The following PLK1 variants were observed in gnomAD, a reference collection of about 807,000 sequenced individuals.
PLK1 encodes polo like kinase 1.
PLK1 carries 6 observed loss-of-function variants against 56.7 expected under a neutral mutation model. The ratio of observed to expected loss-of-function variants is 0.11; its 90% CI spans 0.06 to 0.21. The LOEUF (loss-of-function observed/expected upper bound fraction) is 0.21. Ranked by LOEUF, PLK1 falls within the 10% of genes least tolerant of loss-of-function variation. PLK1 has a pLI of 1.00. For synonymous variants in PLK1, 298 were observed against 325.0 expected, an observed-to-expected ratio of 0.92 and a Z score of 0.89; for missense variants, 546 against 814.4, an observed-to-expected ratio of 0.67 and a Z score of 4.01.
In PLK1 at chr16:23,682,168, A is replaced by G; in HGVS notation, c.816+11A>G. 6 of 1,366,058 alleles carry G rather than the reference A, an allele frequency of 4.4e-6. No homozygotes were observed. Among genetic ancestry groups the G allele is most frequent in the Non-Finnish European group, 6.3e-6 (6 of 954,850 alleles). The allele number at this position is 1,366,058 out of a possible 1,614,324, so 84.6% of individuals were successfully genotyped here. On this transcript the variant is annotated intron_variant, in intron 4 of 9. Transcript: ENST00000300093. ...TACAGTATTCCCAAGGTGACTAATG[A>G]TGCTTTAAGTTTACATTTATTTTGT...
At chr16:23,679,543 C>A (rs1597133625) in intron 1 of PLK1, 2 of 565,166 alleles carry the variant, frequency 3.5e-6, no homozygotes, top group South Asian at 4.7e-5. Flanking sequence ...GGAGGGGGTT[C>A]CAGTGAAGTG....
chr16:23,683,078 C>G (rs1441623850), intron 4 of PLK1, among the ~76,000 whole-genome samples: 1 of 146,462 alleles, frequency 6.8e-6, no homozygotes, highest in Non-Finnish European at 1.5e-5. Flanking sequence ...GCAAGCTCTG[C>G]CTCCCAGGTT....
In PLK1 at chr16:23,683,944, C is replaced by T. The variant is rs751854838; in HGVS notation, c.891C>T (p.Asn297=). ...ATCCCACTGCCCGCCCAACCATTAACGAGCTGCTTAATGACGAGTTCTTTA... is the reference window on the plus strand; with the variant it reads ...ATCCCACTGCCCGCCCAACCATTAATGAGCTGCTTAATGACGAGTTCTTTA... ...QTDPTARPTI[N]ELLNDEFFTS... The change falls in exon 5 of 10, where the codon AAC becomes AAT. Residue 297 remains asparagine (N), a synonymous_variant. Coordinates refer to ENST00000300093, the MANE Select transcript of PLK1 (RefSeq NM_005030.6). 1.1e-5 allele frequency: 17 copies of T among 1,614,040 alleles called. No homozygotes were observed. Among genetic ancestry groups the T allele is most frequent in the Non-Finnish European group, 1.3e-5 (15 of 1,179,878 alleles).
rs1959501141 is a variant in PLK1 at position 23,689,489 on chromosome 16, T to C, written c.1426-5T>C. 1.2e-6 allele frequency: 2 copies of C among 1,606,200 alleles called. No individual in the cohort carries two copies. The highest frequency in any genetic ancestry group is 4.5e-5 in the East Asian group (2 of 44,614). On this transcript the variant is annotated splice_polypyrimidine_tract_variant and splice_region_variant and intron_variant, in intron 8 of 9. Transcript: ENST00000300093. This position sits in a 1 kb window ranked among gnomAD's most constrained non-coding sequence, Gnocchi z 4.8. ...TCTGGAACCCCTTACCTACTTTTCA[T>C]CCAGATCACCCTCCTTAAATATTTC...
chr16:23,687,238 G>T (rs1181265274), intron 5 of PLK1: 2 of 319,414 alleles, frequency 6.3e-6, no homozygotes, highest in Non-Finnish European at 1.1e-5. Context: ...AGGTCATCCT[G>T]CAGGGCCACA....
Position 23,690,180 on chromosome 16 carries a change from GCA to G in PLK1, c.*118_*119del. 1.3e-6 allele frequency: 1 copy of G among 771,694 alleles called. No individual in the cohort carries two copies. Among genetic ancestry groups the G allele is most frequent in the Non-Finnish European group, 2.2e-6 (1 of 445,440 alleles). 47.8% of individuals were successfully genotyped at this position (771,694 alleles called of 1,614,324 possible). Reference sequence around the variant, plus strand: ...TGTGCCCCCCAGCCCCGGTGGCTGGGCAGAGCTGCATCATCCTTGCAGGTGGG... The same window carrying G: ...TGTGCCCCCCAGCCCCGGTGGCTGGGGAGCTGCATCATCCTTGCAGGTGGG... On this transcript the variant is annotated 3_prime_UTR_variant, in exon 10 of 10. Transcript: ENST00000300093.
rs529595210 is a variant in PLK1 at position 23,684,166 on chromosome 16, C to T, written c.1036+77C>T. The T allele has an allele frequency of 1.7e-5, 20 of 1,172,740 alleles. No individual in the cohort carries two copies. In the South Asian group the frequency reaches 2.1e-4, roughly 12 times the overall value. The allele number at this position is 1,172,740 out of a possible 1,614,324, so 72.6% of individuals were successfully genotyped here. On this transcript the variant is annotated intron_variant, in intron 5 of 9. Coordinates refer to ENST00000300093, the MANE Select transcript of PLK1 (RefSeq NM_005030.6). Reference sequence around the variant, plus strand: ...TGTAGGGGTGTGTGCAGCTTAGTCCCTGGCCCTGAGAGCTCAGGTGTGGAG... The same window carrying T: ...TGTAGGGGTGTGTGCAGCTTAGTCCTTGGCCCTGAGAGCTCAGGTGTGGAG...
At chr16:23,681,099 G>C in intron 3 of PLK1, 41 bp downstream of exon 3, 2 of 1,591,220 alleles carry the variant, frequency 1.3e-6, no homozygotes, top group South Asian at 2.3e-5. Flanking sequence ...GGTCTCAGCA[G>C]GGGCAACTTT....
At chr16:23,687,775 G>A in intron 6 of PLK1, 151 bp downstream of exon 6, 1 of 476,260 alleles carries the variant, frequency 2.1e-6, no homozygotes, top group Non-Finnish European at 3.5e-6. Flanking sequence ...CCAAGGCCCT[G>A]CTTCCGTGGC....
At chr16:23,682,700 T>G (rs189439866) in intron 4 of PLK1, among the ~76,000 whole-genome samples, 9,520 of 150,342 alleles carry the variant, frequency 0.063, 647 homozygotes, top group African/African-American at 0.16. Flanking sequence ...TTTTTTTTTT[T>G]TTTGTATTTT....
rs533321688 is a variant in PLK1 at position 23,684,086 on chromosome 16, A to G, written c.1033A>G (p.Lys345Glu). 2 of 1,612,882 alleles carry G rather than the reference A, an allele frequency of 1.2e-6. No individual in the cohort carries two copies. The highest frequency in any genetic ancestry group is 2.7e-5 in the African/African-American group (2 of 74,974). The change falls in exon 5 of 10, where the codon AAA becomes GAA. Residue 345 changes from lysine (K) to glutamate (E), a missense_variant. Transcript: ENST00000300093. ...SNRKPLTVLNKGLENPLPERP... is the reference protein window; with the variant it reads ...SNRKPLTVLNEGLENPLPERP... Reference sequence around the variant, plus strand: ...CCGGAAGCCCCTCACAGTCCTCAATAAAGGTACAACAAGGGTCTGGGTAAG... The same window carrying G: ...CCGGAAGCCCCTCACAGTCCTCAATGAAGGTACAACAAGGGTCTGGGTAAG...
At chr16:23,679,924 T>G (rs1959304981) in intron 1 of PLK1, 160 bp from the exon 2 acceptor site, 2 of 586,808 alleles carry the variant, frequency 3.4e-6, no homozygotes, top group Non-Finnish European at 6.1e-6. Flanking sequence ...AGGAATGGGG[T>G]GGGGGCATAG....
intron 2 of PLK1, 95 bp from the exon 3 acceptor site, chr16:23,680,819 C>T (rs1959319522): frequency 8.2e-7 from 1 of 1,223,408 alleles, no homozygotes; most frequent in South Asian, 1.5e-5. Flanking sequence ...ATCAGATGGC[C>T]CTGGTTCTGG....
Position 23,680,337 on chromosome 16 carries a change from C to T in PLK1, c.577+85C>T, listed in dbSNP as rs1030732275. ...AGGCTGGGAGAAAGGAAGGAGACAA[C>T]CCACAAGTCAGTATCTTGCCTACAG... is the stretch of plus-strand genomic sequence containing the variant. On this transcript the variant is annotated intron_variant, in intron 2 of 9. Coordinates refer to ENST00000300093, the MANE Select transcript of PLK1 (RefSeq NM_005030.6). The T allele has an allele frequency of 1.7e-5, 20 of 1,158,790 alleles. No homozygotes were observed. The East Asian group carries it at 4.7e-4, about 27-fold the overall frequency. The allele number at this position is 1,158,790 out of a possible 1,614,324, so 71.8% of individuals were successfully genotyped here. A position where few individuals can be genotyped will look rare whatever the true frequency, so the allele number is the denominator to read the frequency against.
chr16:23,680,385 A>C, intron 2 of PLK1, 133 bp downstream of exon 2: 2 of 664,274 alleles, frequency 3.0e-6, no homozygotes, highest in Non-Finnish European at 5.2e-6. Context: ...TTTGTGCCCC[A>C]ATGCAATATT....
In PLK1 at chr16:23,689,180, G is replaced by A. The variant is rs111671482; in HGVS notation, c.1271-58G>A. ...ATCACAGGCATGTGCCACCACGCCC[G>A]GTCCCACTCCCCACTTTCTATTCCC... On this transcript the variant is annotated intron_variant, in intron 7 of 9. Transcript: ENST00000300093. This position sits in a 1 kb window ranked among gnomAD's most constrained non-coding sequence, Gnocchi z 4.8. 1.5e-5 allele frequency: 22 copies of A among 1,501,888 alleles called. No individual in the cohort carries two copies. The highest frequency in any genetic ancestry group is 5.9e-5 in the South Asian group (5 of 85,354). 93.0% of individuals were successfully genotyped at this position (1,501,888 alleles called of 1,614,324 possible).
chr16:23,689,632 A>C lies in PLK1; in HGVS notation c.1564A>C (p.Ile522Leu). ...RTWFRTRSAI[I>L]LHLSNGSVQI... is the part of the protein sequence containing the mutation. The stretch of plus-strand genomic sequence containing the variant: ...CTGGTTCCGCACCCGCAGCGCCATC[A>C]TCCTGCACCTCAGCAACGGCAGCGT... The change falls in exon 9 of 10, where the codon ATC (isoleucine) becomes CTC (leucine). Residue 522 changes from isoleucine (I) to leucine (L), a missense_variant. This residue lies in a region of PLK1 where 113 missense variants were observed against 202.0 expected (regional missense o/e 0.56). Transcript: ENST00000300093. This position sits in a 1 kb window ranked among gnomAD's most constrained non-coding sequence, Gnocchi z 4.8. 4 of 1,612,010 alleles carry C rather than the reference A, an allele frequency of 2.5e-6. No homozygotes were observed. The highest frequency in any genetic ancestry group is 3.4e-6 in the Non-Finnish European group (4 of 1,179,272).
intron 4 of PLK1, 122 bp downstream of exon 4, chr16:23,682,279 G>C (rs1308959837): frequency 4.9e-6 from 3 of 615,438 alleles, no homozygotes; most frequent in Admixed American, 2.8e-5. Context: ...CACAGAGCTT[G>C]AGAGGGCCTG....
rs148809210 is a variant in PLK1, at chr16:23,690,080, C to G, written c.*17C>G. 8.2e-6 allele frequency: 13 copies of G among 1,588,604 alleles called. No homozygotes were observed. The highest frequency in any genetic ancestry group is 1.1e-5 in the South Asian group (1 of 90,694). On this transcript the variant is annotated 3_prime_UTR_variant, in exon 10 of 10. Transcript: ENST00000300093. Reference sequence around the variant, plus strand: ...GCCTCCTAATAGCTGCCCTCCCCTCCGGACTGGTGCCCTCCTCACTCCCAC... The same window carrying G: ...GCCTCCTAATAGCTGCCCTCCCCTCGGGACTGGTGCCCTCCTCACTCCCAC...
Sources: gnomAD v4.1 joint callset for allele counts (sites outside exome capture counted in the v4.1 genomes callset) on GRCh38, gnomAD v4.1.1 for gene constraint, gnomAD v4.1.1 regional missense constraint, Gnocchi (gnomAD v3.1) non-coding constraint, MANE v1.5 for transcripts, NCBI Gene and HGNC (gene_info 2026-07-23, HGNC 2026-07-21) for gene names.